HELZ: variants seen among roughly 807,000 people sequenced by gnomAD.
HELZ encodes the protein ATP-dependent RNA helicase with zinc finger domain.
A neutral mutation model predicts 218.2 loss-of-function variants in HELZ; 23 were observed. The ratio of observed to expected loss-of-function variants is 0.11; its 90% confidence interval spans 0.08 to 0.15. HELZ has a LOEUF of 0.15. HELZ is among the 10% of genes least tolerant of loss of function. The pLI, the probability that HELZ is intolerant of heterozygous loss-of-function variation, is 1.00. For missense variants in HELZ, 1,813 were observed against 2,353.7 expected (o/e 0.77, Z 4.75); for synonymous variants, 814 against 829.4 (o/e 0.98, Z 0.32).
chr17:67,206,033 T>G (rs2040287981), intron 5 of HELZ, among the ~76,000 whole-genome samples: 1 of 152,246 alleles, frequency 6.6e-6, no homozygotes, highest in African/African-American at 2.4e-5. Flanking sequence ...CCAATCTAGT[T>G]CCTTATTACC....
At chr17:67,200,458 C>A (rs1459925388) in intron 7 of HELZ, among the ~76,000 whole-genome samples, 1 of 152,148 alleles carries the variant, frequency 6.6e-6, no homozygotes, top group African/African-American at 2.4e-5. Context: ...AAAAAGAAGG[C>A]CTGGTGTGGT....
chr17:67,120,882 G>A (rs1384689584), intron 26 of HELZ, among the ~76,000 whole-genome samples: 4 of 152,104 alleles, frequency 2.6e-5, no homozygotes, highest in African/African-American at 9.7e-5. Context: ...GCTTAAAATT[G>A]GTAATTATTC....
chr17:67,133,959 C>T (rs2038065964), intron 23 of HELZ, among the ~76,000 whole-genome samples: 1 of 152,184 alleles, frequency 6.6e-6, no homozygotes, highest in Admixed American at 6.5e-5. Flanking sequence ...TAAAATACCA[C>T]AAGCAACATT....
chr17:67,204,530 T>A (rs1264933727), intron 5 of HELZ, among the ~76,000 whole-genome samples: 1 of 152,222 alleles, frequency 6.6e-6, no homozygotes, highest in African/African-American at 2.4e-5. Flanking sequence ...ATTGGCTATA[T>A]AATGTTCTAC....
intron 11 of HELZ, among the ~76,000 whole-genome samples, 190 bp downstream of exon 11, chr17:67,189,399 A>G (rs1239061387): frequency 2.0e-5 from 3 of 152,228 alleles, no homozygotes; most frequent in African/African-American, 7.2e-5. Context: ...ATCTCATCTA[A>G]AAGTATTTTT....
At chr17:67,150,720 T>C (rs9906751) in intron 18 of HELZ, among the ~76,000 whole-genome samples, 13,262 of 152,236 alleles carry the variant, frequency 0.087, 1,516 homozygotes, top group African/African-American at 0.26. Context: ...AAACATCATC[T>C]GACCAACTAG....
In HELZ at chr17:67,162,884, T is replaced by C. The variant is rs564747656; in HGVS notation, c.1896-1808A>G. On this transcript the variant is annotated intron_variant, in intron 15 of 32. Coordinates refer to ENST00000358691, the MANE Select transcript of HELZ (RefSeq NM_014877.4). ...AAGAAAATGAACATGCCCTACATAGTAGAGGAGGGTGAGGTGTCTGTCCAT... is the reference window on the plus strand; with the variant it reads ...AAGAAAATGAACATGCCCTACATAGCAGAGGAGGGTGAGGTGTCTGTCCAT... Among the ~76,000 whole-genome samples, 251 of 152,248 alleles carry C rather than the reference T, an allele frequency of 1.6e-3. 1 individual carries two copies. The highest frequency in any genetic ancestry group is 3.0e-3 in the Non-Finnish European group (201 of 68,016).
chr17:67,190,326 C>A lies in HELZ; in HGVS notation c.587G>T (p.Gly196Val). The A allele has an allele frequency of 6.2e-7, 1 of 1,613,454 alleles. No homozygotes were observed. The highest frequency in any genetic ancestry group is 8.5e-7 in the Non-Finnish European group (1 of 1,179,454). Residue 196 changes from glycine (G) to valine (V), a missense_variant, in exon 10 of 33, where the codon GGT becomes GTT. Gly to Val is a moderately radical substitution (Grantham distance 109, BLOSUM62 -3). This residue lies in a region of HELZ where 714 missense variants were observed against 1,029.2 expected (regional missense o/e 0.69). Transcript: ENST00000358691. ...GGAATGTGCTGAAGTACACTGGGCA[C>A]CATACCTACAGATTCCTTGTTCTAA... ...RFLEQGICRYGAQCTSAHSQE... is the reference protein window; with the variant it reads ...RFLEQGICRYVAQCTSAHSQE...
Position 67,107,268 on chromosome 17 carries a change from A to T in HELZ, c.5142T>A (p.Phe1714Leu), listed in dbSNP as rs1437757889. The change falls in exon 31 of 33, where the codon TTT (phenylalanine) becomes TTA (leucine). Residue 1714 changes from phenylalanine to leucine, a missense_variant. Phe to Leu is a conservative substitution (Grantham distance 22). This residue lies in a region of HELZ where 938 missense variants were observed against 1,027.5 expected (regional missense o/e 0.91). Coordinates refer to ENST00000358691, the MANE Select transcript of HELZ (RefSeq NM_014877.4). ...PLPHRPPQNP[F>L]VQIQNHQHAI... ...CATGTTGATGATTCTGTATTTGTAC[A>T]AAAGGGTTCTGCGGTGGCCTGTGAG... 6.2e-7 allele frequency: 1 copy of T among 1,614,058 alleles called. No homozygotes were observed. The highest frequency in any genetic ancestry group is 1.3e-5 in the African/African-American group (1 of 74,922).
At chr17:67,244,675 C>T (rs974735556) in intron 1 of HELZ, 53 of 981,278 alleles carry the variant, frequency 5.4e-5, no homozygotes, top group Middle Eastern at 5.2e-4. Context: ...CCCACGCCCC[C>T]GCTCCAGCCC....
chr17:67,197,327 T>G (rs2040057131), intron 7 of HELZ, among the ~76,000 whole-genome samples: 1 of 152,224 alleles, frequency 6.6e-6, no homozygotes, highest in Non-Finnish European at 1.5e-5. Flanking sequence ...CATGGAACTG[T>G]GAGTCCATTA....
chr17:67,127,303 A>G (rs2037831094), intron 24 of HELZ, among the ~76,000 whole-genome samples: 1 of 152,236 alleles, frequency 6.6e-6, no homozygotes, highest in Admixed American at 6.5e-5. Flanking sequence ...ACATAGAAGT[A>G]ACTTAACTGA....
intron 17 of HELZ, among the ~76,000 whole-genome samples, chr17:67,151,464 C>T (rs2038680513): frequency 6.6e-6 from 1 of 152,014 alleles, no homozygotes; most frequent in African/African-American, 2.4e-5. Context: ...AAAATAAACA[C>T]CTAATTATTT....
At position 67,078,820 on chromosome 17, in the gene HELZ, A is replaced by G. The variant is rs184501330; in HGVS notation, c.5495-234T>C. On this transcript the variant is annotated intron_variant, in intron 32 of 32. Coordinates refer to ENST00000358691, the MANE Select transcript of HELZ (RefSeq NM_014877.4). The stretch of plus-strand genomic sequence containing the variant: ...AGAAGTGGAATAGCTAACATATAAA[A>G]ACTAAAGTTCAAATCTGAAGGCTTG... Among the ~76,000 whole-genome samples the G allele has an allele frequency of 9.2e-5, 14 of 152,344 alleles. No individual in the cohort carries two copies. In the East Asian group the frequency reaches 2.1e-3, roughly 23 times the overall value.
intron 26 of HELZ, among the ~76,000 whole-genome samples, chr17:67,121,009 T>C (rs2037593246): frequency 6.6e-6 from 1 of 152,214 alleles, no homozygotes; most frequent in Admixed American, 6.5e-5. Context: ...AAACATAGTT[T>C]AATAGACAGG....
chr17:67,155,680 C>CTTTT (rs1355514781), intron 17 of HELZ, among the ~76,000 whole-genome samples: 1 of 151,912 alleles, frequency 6.6e-6, no homozygotes, highest in Non-Finnish European at 1.5e-5. Flanking sequence ...CTACTAAAAA[C>CTTTT]ACAAAAGTTA....
At chr17:67,218,379 T>C (rs1051270664) in intron 4 of HELZ, among the ~76,000 whole-genome samples, 3 of 152,224 alleles carry the variant, frequency 2.0e-5, no homozygotes, top group African/African-American at 7.2e-5. Context: ...ACTCAATAAA[T>C]ACTTGTTGAG....
At chr17:67,121,277 TTATTA>T (rs1458042957) in intron 26 of HELZ, among the ~76,000 whole-genome samples, 1 of 152,326 alleles carries the variant, frequency 6.6e-6, no homozygotes, top group South Asian at 2.1e-4. Context: ...TCCTATTATT[TTATTA>T]TAACTGTTAA....
intron 24 of HELZ, among the ~76,000 whole-genome samples, chr17:67,125,873 G>C (rs1241891269): frequency 1.3e-5 from 2 of 152,196 alleles, no homozygotes; most frequent in Non-Finnish European, 2.9e-5. Flanking sequence ...GGAAGAGGAA[G>C]TAAGAGAGAT....
Sources: gnomAD v4.1 joint callset for allele counts (sites outside exome capture counted in the v4.1 genomes callset) on GRCh38, gnomAD v4.1.1 for gene constraint, gnomAD v4.1.1 regional missense constraint, MANE v1.5 for transcripts, NCBI Gene and HGNC (gene_info 2026-07-23, HGNC 2026-07-21) for gene names.